The following SNAP47 variants were observed in gnomAD, a reference collection of about 807,000 sequenced individuals.
SNAP47 encodes the protein synaptosome associated protein 47, also known as synaptosomal-associated protein 47.
SNAP47 carries 20 observed loss-of-function variants against 31.4 expected under a neutral mutation model. The ratio of observed to expected loss-of-function variants is 0.64; its 90% confidence interval spans 0.45 to 0.93. SNAP47 has a LOEUF of 0.93. Ranked by LOEUF, SNAP47 falls within the 40% of genes least tolerant of loss-of-function variation. The pLI is 0.00. For synonymous variants in SNAP47, 194 were observed against 213.4 expected (o/e 0.91, Z 0.79); for missense variants, 492 against 528.5 (o/e 0.93, Z 0.68).
chr1:227,735,567 G>C, intron 1 of SNAP47, 68 bp downstream of exon 1: 2 of 1,345,536 alleles, frequency 1.5e-6, no homozygotes, highest in South Asian at 1.9e-5. Context: ...CCTCGGCTCA[G>C]TCCGCGCGCT....
rs761613047 is a variant in SNAP47 at position 227,759,391 on chromosome 1, C to T, written c.894C>T (p.Phe298=). The change falls in exon 3 of 5, where the codon TTC becomes TTT. Residue 298 remains phenylalanine, a synonymous_variant. Transcript: ENST00000617596. The part of the protein sequence containing the change: ...PEVIPILEVQ[F]SKKMELLEDA... Reference sequence around the variant, plus strand: ...TTATCCCCATTTTAGAAGTGCAGTTCAGCAAGAAGATGGAGCTGTTAGAAG... The same window carrying T: ...TTATCCCCATTTTAGAAGTGCAGTTTAGCAAGAAGATGGAGCTGTTAGAAG... 6.2e-7 allele frequency: 1 copy of T among 1,614,208 alleles called. No individual in the cohort carries two copies. The highest frequency in any genetic ancestry group is 8.5e-7 in the Non-Finnish European group (1 of 1,180,052).
At chr1:227,773,059 C>T (rs563251750) in intron 4 of SNAP47, among the ~76,000 whole-genome samples, 9 of 151,798 alleles carry the variant, frequency 5.9e-5, no homozygotes, top group East Asian at 3.9e-4. Context: ...CTCCCAGGCT[C>T]AGGTGATTCT....
intron 3 of SNAP47, among the ~76,000 whole-genome samples, chr1:227,766,040 C>G (rs575590724): frequency 3.9e-4 from 60 of 152,308 alleles, no homozygotes; most frequent in Admixed American, 1.4e-3. Context: ...AGGTATCCCC[C>G]CTTTCCTCTC....
At chr1:227,778,942 A>G (rs1432278334) in intron 4 of SNAP47, among the ~76,000 whole-genome samples, 2 of 152,204 alleles carry the variant, frequency 1.3e-5, no homozygotes, top group African/African-American at 4.8e-5. Context: ...TCTTATGACA[A>G]ATATCTCAGC....
In SNAP47 at chr1:227,776,646, C is replaced by T. The variant is rs7553036; in HGVS notation, c.1114-3881C>T. ...CCATCCCTGTTATGTGGAATGCACACGATGCCATGTAATTACTTCAGTCCC... is the reference window on the plus strand; with the variant it reads ...CCATCCCTGTTATGTGGAATGCACATGATGCCATGTAATTACTTCAGTCCC... On this transcript the variant is annotated intron_variant, in intron 4 of 4. Coordinates refer to ENST00000617596, the MANE Select transcript of SNAP47 (RefSeq NM_053052.4). 7,227 of 985,430 alleles carry T rather than the reference C, an allele frequency of 7.3e-3. 427 individuals carry two copies. In the African/African-American group the frequency reaches 0.11, roughly 16 times the overall value. The allele number at this position is 985,430 out of a possible 1,614,324, so 61.0% of individuals were successfully genotyped here. A position where few individuals can be genotyped will look rare whatever the true frequency, so the allele number is the denominator to read the frequency against.
chr1:227,776,078 T>A, intron 4 of SNAP47: 1 of 1,184,032 alleles, frequency 8.4e-7, no homozygotes, highest in Non-Finnish European at 1.1e-6. Context: ...GTTCAGGTTG[T>A]GCCTCTTGCT....
chr1:227,756,885 A>G (rs746746866), intron 2 of SNAP47, among the ~76,000 whole-genome samples: 1 of 152,228 alleles, frequency 6.6e-6, no homozygotes, highest in Non-Finnish European at 1.5e-5. Context: ...CTCCCTTGGC[A>G]GTGCTTCCCA....
intron 1 of SNAP47, among the ~76,000 whole-genome samples, chr1:227,743,162 C>T (rs1183784825): frequency 6.6e-6 from 1 of 151,074 alleles, no homozygotes; most frequent in Non-Finnish European, 1.5e-5. Context: ...CAGTGAGATA[C>T]CTGCTGCCTA....
intron 1 of SNAP47, among the ~76,000 whole-genome samples, chr1:227,742,522 C>T (rs969218086): frequency 1.3e-5 from 2 of 152,220 alleles, no homozygotes; most frequent in Non-Finnish European, 2.9e-5. Flanking sequence ...TGCTGCAACA[C>T]CAGTAACAGG....
intron 2 of SNAP47, among the ~76,000 whole-genome samples, chr1:227,757,560 G>A (rs113599622): frequency 6.6e-6 from 1 of 152,252 alleles, no homozygotes; most frequent in Admixed American, 6.5e-5. Flanking sequence ...AATGCAGGAT[G>A]TGTACTGTAA....
chr1:227,776,021 A>G (rs1664138824), intron 4 of SNAP47: 1 of 1,210,226 alleles, frequency 8.3e-7, no homozygotes, highest in Non-Finnish European at 1.1e-6. Flanking sequence ...CTGGGGGACC[A>G]TGGCCATAAG....
rs1663137193 is a variant in SNAP47, at chr1:227,762,625, A to G, written c.988+3140A>G. ...CAGGGTGGCAGCCTCGCGACACCGG[A>G]TGGGCGCTTGTCAGGGAGGGACACC... On this transcript the variant is annotated intron_variant, in intron 3 of 4. Coordinates refer to ENST00000617596, the MANE Select transcript of SNAP47 (RefSeq NM_053052.4). The surrounding 1 kb of genome is among the most constrained non-coding windows in gnomAD (Gnocchi z 4.2). 6.6e-6 allele frequency among the ~76,000 whole-genome samples: 1 copy of G among 152,104 alleles called. No individual in the cohort carries two copies. The highest frequency in any genetic ancestry group is 6.5e-5 in the Admixed American group (1 of 15,272).
intron 4 of SNAP47, among the ~76,000 whole-genome samples, chr1:227,780,253 A>G (rs949021083): frequency 1.3e-5 from 2 of 152,182 alleles, no homozygotes; most frequent in Admixed American, 1.3e-4. Context: ...TGGAGATGGC[A>G]GGCCAGGGTG....
At position 227,747,770 on chromosome 1, in the gene SNAP47, T is replaced by C. The variant is rs201328130; in HGVS notation, c.34T>C (p.Cys12Arg). The change falls in exon 2 of 5, where the codon TGC becomes CGC. Residue 12 changes from cysteine (C) to arginine (R), a missense_variant. Physicochemically the swap from Cys to Arg is radical, Grantham distance 180. Transcript: ENST00000617596. ...GGATGTCTGCATCCACACCTGGCCG[T>C]GCACCTACTACCTGGAGCCCAAGAG... ...SRDVCIHTWP[C>R]TYYLEPKRRW... 2 of 1,614,110 alleles carry C rather than the reference T, an allele frequency of 1.2e-6. No individual in the cohort carries two copies. The highest frequency in any genetic ancestry group is 4.5e-5 in the East Asian group (2 of 44,878).
At chr1:227,767,518 C>T (rs1274329161) in intron 4 of SNAP47, among the ~76,000 whole-genome samples, 2 of 148,954 alleles carry the variant, frequency 1.3e-5, no homozygotes, top group Non-Finnish European at 2.9e-5. Flanking sequence ...TGTGTATGTG[C>T]ATGTGCATGT....
At chr1:227,766,915 C>CA (rs1663444295) in intron 3 of SNAP47, 44 bp from the exon 4 acceptor site, 4 of 1,608,466 alleles carry the variant, frequency 2.5e-6, no homozygotes, top group Non-Finnish European at 3.4e-6. Context: ...AGGGTTGTTG[C>CA]AACTCCGAGA....
intron 4 of SNAP47, among the ~76,000 whole-genome samples, chr1:227,777,525 G>A (rs35782364): frequency 6.6e-6 from 1 of 152,180 alleles, no homozygotes; most frequent in South Asian, 2.1e-4. Flanking sequence ...CCTTGCCGTA[G>A]GTAGTGTAAC....
chr1:227,730,252 A>C (rs898538088), upstream of SNAP47, among the ~76,000 whole-genome samples: 4 of 152,102 alleles, frequency 2.6e-5, no homozygotes, highest in African/African-American at 9.7e-5. Flanking sequence ...GCAGAGGTGA[A>C]ATTCCCTTTG....
At chr1:227,737,568 T>G (rs1661306784) in intron 1 of SNAP47, among the ~76,000 whole-genome samples, 1 of 152,036 alleles carries the variant, frequency 6.6e-6, no homozygotes, top group Admixed American at 6.6e-5. Context: ...GCAATGGAAA[T>G]GTTGTTTTAT....
Sources: allele counts gnomAD v4.1 joint callset (sites outside exome capture counted in the v4.1 genomes callset), GRCh38; gene constraint gnomAD v4.1.1; non-coding constraint Gnocchi (gnomAD v3.1); transcripts MANE v1.5; gene names NCBI Gene and HGNC (gene_info 2026-07-23, HGNC 2026-07-21).